The following SIL1 variants were observed in gnomAD, a reference collection of about 807,000 sequenced individuals.
The protein encoded by SIL1 is nucleotide exchange factor SIL1.
In SIL1, 40 loss-of-function variants were observed where a neutral mutation model predicts 49.1. That is an observed-to-expected ratio of 0.81 (90% confidence interval 0.63 to 1.06). The LOEUF (loss-of-function observed/expected upper bound fraction) is 1.06. Ranked by LOEUF, SIL1 falls within the 50% of genes least tolerant of loss-of-function variation. SIL1 has a pLI of 0.00. For missense variants in SIL1, 500 were observed against 572.6 expected, an observed-to-expected ratio of 0.87 and a Z score of 1.29; for synonymous variants, 253 against 250.8, an observed-to-expected ratio of 1.01 and a Z score of -0.08.
chr5:138,971,928 C>T lies in SIL1; in HGVS notation c.768-20044G>A, dbSNP rs1269966641. Among the ~76,000 whole-genome samples, 4 of 152,204 alleles carry T rather than the reference C, an allele frequency of 2.6e-5. No homozygotes were observed. In the South Asian group the frequency reaches 8.3e-4, roughly 32 times the overall value. On this transcript the variant is annotated intron_variant, in intron 7 of 9. Coordinates refer to ENST00000394817, the MANE Select transcript of SIL1 (RefSeq NM_022464.5). The stretch of plus-strand genomic sequence containing the variant: ...TCCTCACTGGGCTCCAACCAACAGG[C>T]TCAGTCATCTCTCTGGCTAAATATC...
At chr5:139,055,163 T>A (rs1221155846) in intron 3 of SIL1, among the ~76,000 whole-genome samples, 3 of 152,094 alleles carry the variant, frequency 2.0e-5, no homozygotes, top group African/African-American at 7.2e-5. Flanking sequence ...CACCTCCAGC[T>A]CCTTCAGAGC....
At chr5:139,021,323 A>G in intron 6 of SIL1, 31 bp from the exon 7 acceptor site, 3 of 1,613,532 alleles carry the variant, frequency 1.9e-6, no homozygotes, top group Non-Finnish European at 2.5e-6. Context: ...AGTACAGCAT[A>G]GCCATCAGGG....
chr5:139,189,538 A>G (rs1337895495), intron 1 of SIL1, among the ~76,000 whole-genome samples: 1 of 152,240 alleles, frequency 6.6e-6, no homozygotes, highest in East Asian at 1.9e-4. Context: ...TGTAATAATA[A>G]TAGAAATAGG....
chr5:139,173,613 C>T (rs1356307219), intron 1 of SIL1, among the ~76,000 whole-genome samples: 1 of 151,242 alleles, frequency 6.6e-6, no homozygotes, highest in African/African-American at 2.4e-5. Flanking sequence ...AAAAGCAATA[C>T]TAAAGGAGAA....
At chr5:139,142,846 G>A (rs1751107718) in intron 1 of SIL1, among the ~76,000 whole-genome samples, 1 of 152,002 alleles carries the variant, frequency 6.6e-6, no homozygotes, top group Non-Finnish European at 1.5e-5. Flanking sequence ...TCGGTTCACT[G>A]CAAGCTCTGC....
intron 3 of SIL1, among the ~76,000 whole-genome samples, chr5:139,112,395 G>C (rs1002490010): frequency 2.0e-5 from 3 of 151,908 alleles, no homozygotes; most frequent in African/African-American, 7.3e-5. Context: ...CGTCTAGGAA[G>C]TGAGGAGCGT....
intron 1 of SIL1, among the ~76,000 whole-genome samples, chr5:139,197,873 A>T (rs1411958505): frequency 6.6e-6 from 1 of 152,226 alleles, no homozygotes; most frequent in Non-Finnish European, 1.5e-5. Flanking sequence ...AGAGAGTGAC[A>T]ATAATTCCAC....
Position 139,121,087 on chromosome 5 carries a change from G to A in SIL1, c.192C>T (p.Ala64=), listed in dbSNP as rs148651377. 286 of 1,614,036 alleles carry A rather than the reference G, an allele frequency of 1.8e-4. No individual in the cohort carries two copies. The highest frequency in any genetic ancestry group is 1.6e-4 in the Middle Eastern group (1 of 6,076). The part of the protein sequence containing the change: ...KETKAEEELD[A]EVLEVFHPTH... ...TCGGGTGGAACACCTCCAGGACTTC[G>A]GCATCCAGCTCCTCCTCGGCTTTGG... The change falls in exon 3 of 10, where the codon GCC becomes GCT. Residue 64 remains alanine (A), a synonymous_variant. Coordinates refer to ENST00000394817, the MANE Select transcript of SIL1 (RefSeq NM_022464.5).
rs115482839 is a variant in SIL1 at position 139,099,908 on chromosome 5, C to T, written c.244+21127G>A. ...TGTAGTCAATAATAATCTAATTGTA[C>T]ATTTAAATAACTAAAAGAGTATAAC... On this transcript the variant is annotated intron_variant, in intron 3 of 9. Transcript: ENST00000394817. 5.3e-3 allele frequency among the ~76,000 whole-genome samples: 811 copies of T among 152,218 alleles called. 12 individuals are homozygous for T. The highest frequency in any genetic ancestry group is 0.018 in the African/African-American group (749 of 41,532).
chr5:139,043,832 G>A (rs912219402), intron 4 of SIL1, among the ~76,000 whole-genome samples: 3 of 152,242 alleles, frequency 2.0e-5, no homozygotes, highest in African/African-American at 4.8e-5. Context: ...ACGAAGGGAA[G>A]AGTGGAGTAT....
At chr5:138,994,285 C>T (rs989928095) in intron 7 of SIL1, among the ~76,000 whole-genome samples, 20 of 152,080 alleles carry the variant, frequency 1.3e-4, no homozygotes, top group Admixed American at 7.9e-4. Context: ...ACTAATAAGA[C>T]ATCAGCAAGT....
chr5:139,125,191 G>A (rs1750729292), intron 2 of SIL1, among the ~76,000 whole-genome samples: 1 of 152,234 alleles, frequency 6.6e-6, no homozygotes, highest in African/African-American at 2.4e-5. Flanking sequence ...TTGGTCAGCT[G>A]TGAAGTAAAC....
chr5:139,078,271 A>T (rs1022194682), intron 3 of SIL1, among the ~76,000 whole-genome samples: 9 of 152,116 alleles, frequency 5.9e-5, no homozygotes, highest in Non-Finnish European at 8.8e-5. Flanking sequence ...CAGTGAGACC[A>T]TATCTCTACC....
chr5:139,160,937 C>A (rs1036255681), intron 1 of SIL1, among the ~76,000 whole-genome samples: 1 of 151,968 alleles, frequency 6.6e-6, no homozygotes, highest in African/African-American at 2.4e-5. Context: ...GTAACTAAAG[C>A]AAGTTAATAG....
intron 1 of SIL1, among the ~76,000 whole-genome samples, chr5:139,176,185 G>A (rs940896764): frequency 6.6e-6 from 1 of 152,078 alleles, no homozygotes; most frequent in Non-Finnish European, 1.5e-5. Flanking sequence ...TAAGAAGGTG[G>A]CCTTTCCTTC....
chr5:139,149,338 C>T (rs1013428755), intron 1 of SIL1, among the ~76,000 whole-genome samples: 1 of 152,148 alleles, frequency 6.6e-6, no homozygotes, highest in Non-Finnish European at 1.5e-5. Flanking sequence ...ATGAATAAAC[C>T]CATACTGCCT....
intron 3 of SIL1, among the ~76,000 whole-genome samples, chr5:139,076,220 G>C (rs1769945366): frequency 6.6e-6 from 1 of 152,062 alleles, no homozygotes; most frequent in Non-Finnish European, 1.5e-5. Flanking sequence ...TCACTCTCAG[G>C]GGTTCTGCTG....
intron 1 of SIL1, among the ~76,000 whole-genome samples, chr5:139,143,304 T>TAC (rs1351115706): frequency 1.2e-3 from 87 of 72,994 alleles, no homozygotes; most frequent in African/African-American, 2.9e-3. Context: ...TATATACATA[T>TAC]ATACACACAC....
chr5:139,058,976 G>GTGTGTGTGTGTGTA (rs1410848771), intron 3 of SIL1, among the ~76,000 whole-genome samples: 43 of 152,118 alleles, frequency 2.8e-4, no homozygotes, highest in African/African-American at 9.2e-4. Flanking sequence ...GTGTATGTGT[G>GTGTGTGTGTGTGTA]TGTGTGTGTG....
Sources: gnomAD v4.1 joint callset for allele counts (sites outside exome capture counted in the v4.1 genomes callset) on GRCh38, gnomAD v4.1.1 for gene constraint, MANE v1.5 for transcripts, NCBI Gene and HGNC (gene_info 2026-07-23, HGNC 2026-07-21) for gene names.